MCC: variants seen among roughly 807,000 people sequenced by gnomAD.
The protein encoded by MCC is colorectal mutant cancer protein.
Under a neutral mutation model 116.2 loss-of-function variants are expected in MCC, and 90 were observed. The ratio of observed to expected loss-of-function variants is 0.77; its 90% CI spans 0.65 to 0.92. The LOEUF is 0.92. Among genes scored for constraint, MCC ranks in the 40% least tolerant of loss-of-function variants. The pLI, the probability that MCC is intolerant of heterozygous loss-of-function variation, is 0.00. For missense variants in MCC, 1,516 were observed against 1,312.2 expected (o/e 1.16, Z -2.40); for synonymous variants, 578 against 510.5 (o/e 1.13, Z -1.78).
intron 3 of MCC, among the ~76,000 whole-genome samples, chr5:113,188,175 T>C (rs1189098429): frequency 1.3e-5 from 2 of 152,212 alleles, no homozygotes; most frequent in South Asian, 2.1e-4. Context: ...TGCCAGCTTG[T>C]CCACATTACA....
At chr5:113,258,925 T>C (rs1413336964) in intron 3 of MCC, among the ~76,000 whole-genome samples, 1 of 152,256 alleles carries the variant, frequency 6.6e-6, no homozygotes, top group Non-Finnish European at 1.5e-5. Flanking sequence ...ATTAACAGGC[T>C]ATACAAGAAC....
rs1346378064 is a variant in MCC at position 113,023,271 on chromosome 5, G to A, written c.*4031C>T. 3 of 152,236 alleles carry A rather than the reference G, an allele frequency of 2.0e-5. No individual in the cohort carries two copies. The highest frequency in any genetic ancestry group is 7.2e-5 in the African/African-American group (3 of 41,468). 9.4% of individuals were successfully genotyped at this position (152,236 alleles called of 1,614,324 possible). On this transcript the variant is annotated 3_prime_UTR_variant, in exon 19 of 19. Coordinates refer to ENST00000408903, the MANE Select transcript of MCC (RefSeq NM_001085377.2). The stretch of plus-strand genomic sequence containing the variant: ...GTGGATAAACTTTAAGAACTGGATA[G>A]TGAAGGCGTAACTTTTGTTTTGTAA...
At chr5:113,274,736 C>A (rs140177496) in intron 3 of MCC, among the ~76,000 whole-genome samples, 2 of 152,172 alleles carry the variant, frequency 1.3e-5, no homozygotes, top group African/African-American at 4.8e-5. Flanking sequence ...TTCAAAGGGA[C>A]AAGTTTCTAT....
intron 2 of MCC, among the ~76,000 whole-genome samples, chr5:113,367,306 G>C (rs1276465934): frequency 1.3e-5 from 2 of 150,578 alleles, no homozygotes; most frequent in East Asian, 2.0e-4. Flanking sequence ...ATTTTCATTT[G>C]TTTAGTTTTC....
intron 1 of MCC, among the ~76,000 whole-genome samples, chr5:113,425,483 A>G (rs1770457374): frequency 6.6e-6 from 1 of 152,200 alleles, no homozygotes; most frequent in Non-Finnish European, 1.5e-5. Context: ...CATAAACAAG[A>G]AACAATTCTA....
intron 6 of MCC, among the ~76,000 whole-genome samples, chr5:113,114,102 C>T (rs1757261317): frequency 6.6e-6 from 1 of 151,782 alleles, no homozygotes; most frequent in Non-Finnish European, 1.5e-5. Flanking sequence ...AAAACGTATA[C>T]ACAAACACAA....
intron 3 of MCC, among the ~76,000 whole-genome samples, chr5:113,317,836 G>A (rs189741553): frequency 1.2e-3 from 184 of 152,314 alleles, no homozygotes; most frequent in Middle Eastern, 3.4e-3. Context: ...AGAACACCCA[G>A]ATGGCCCAGA....
At chr5:113,475,778 T>C (rs1327692171) in intron 1 of MCC, among the ~76,000 whole-genome samples, 2 of 152,182 alleles carry the variant, frequency 1.3e-5, no homozygotes, top group Non-Finnish European at 2.9e-5. Context: ...ACCCTCACCA[T>C]AGAGCTTTGG....
chr5:113,468,287 T>G (rs1771973571), intron 1 of MCC, among the ~76,000 whole-genome samples: 1 of 152,328 alleles, frequency 6.6e-6, no homozygotes, highest in East Asian at 1.9e-4. Flanking sequence ...CTTCCAGTTT[T>G]TGCCCATTCA....
chr5:113,229,692 G>A (rs1763871927), intron 3 of MCC, among the ~76,000 whole-genome samples: 1 of 152,172 alleles, frequency 6.6e-6, no homozygotes, highest in African/African-American at 2.4e-5. Flanking sequence ...CTGTAAGATT[G>A]TAATACCACA....
In MCC at chr5:113,122,730, A is replaced by C; in HGVS notation, c.981T>G (p.Ser327=). The change falls in exon 6 of 19, where the codon TCT becomes TCG. Residue 327 remains serine (S), a synonymous_variant. Coordinates refer to ENST00000408903, the MANE Select transcript of MCC (RefSeq NM_001085377.2). ...DSRSMDQDQT[S]VSIPENQSTM... is the part of the protein sequence containing the mutation. ...TAGACTGGTTTTCGGGGATAGAGAC[A>C]GAGGTCTGGTCTTGGTCCATGCTTC... The C allele has an allele frequency of 1.2e-6, 2 of 1,614,218 alleles. No individual in the cohort carries two copies. Among genetic ancestry groups the C allele is most frequent in the Non-Finnish European group, 8.5e-7 (1 of 1,180,020 alleles).
chr5:113,420,839 C>T (rs1241073338), intron 1 of MCC, among the ~76,000 whole-genome samples: 1 of 152,154 alleles, frequency 6.6e-6, no homozygotes, highest in African/African-American at 2.4e-5. Context: ...TCCTGCTTAA[C>T]TGCCTTTCCG....
intron 17 of MCC, among the ~76,000 whole-genome samples, chr5:113,031,625 A>G (rs760710496): frequency 6.6e-6 from 1 of 152,212 alleles, no homozygotes; most frequent in Non-Finnish European, 1.5e-5. Context: ...CCACAAACTC[A>G]ATAAGAAATT....
At chr5:113,242,279 T>G (rs998036385) in intron 3 of MCC, among the ~76,000 whole-genome samples, 12 of 152,232 alleles carry the variant, frequency 7.9e-5, no homozygotes, top group Non-Finnish European at 2.9e-5. Flanking sequence ...AGTGATATGT[T>G]ACAAGGCATT....
chr5:113,043,632 T>A lies in MCC; in HGVS notation c.2656-2A>T. The A allele has an allele frequency of 1.2e-6, 2 of 1,607,772 alleles. No individual in the cohort carries two copies. The highest frequency in any genetic ancestry group is 1.7e-6 in the Non-Finnish European group (2 of 1,174,374). Reference sequence around the variant, plus strand: ...TGGGGAGGCAGCATCAGCACACTCCTGACAACAGCAAACACATTCCAGTTA... The same window carrying A: ...TGGGGAGGCAGCATCAGCACACTCCAGACAACAGCAAACACATTCCAGTTA... On this transcript the variant is annotated splice_acceptor_variant, in intron 16 of 18. Coordinates refer to ENST00000408903, the MANE Select transcript of MCC (RefSeq NM_001085377.2). LOFTEE classifies it high-confidence loss of function.
At chr5:113,220,060 TTTC>T (rs1322077108) in intron 3 of MCC, among the ~76,000 whole-genome samples, 1 of 66,590 alleles carries the variant, frequency 1.5e-5, no homozygotes, top group Non-Finnish European at 5.9e-5. Flanking sequence ...TCAATTTCTT[TTTC>T]TTTTTTTTTT....
chr5:113,100,116 T>C (rs985820483), intron 8 of MCC, among the ~76,000 whole-genome samples: 5 of 152,196 alleles, frequency 3.3e-5, no homozygotes, highest in African/African-American at 4.8e-5. Context: ...GAAAATATGC[T>C]TATGCACGTG....
At chr5:113,055,599 C>T (rs1752780266) in intron 14 of MCC, among the ~76,000 whole-genome samples, 4 of 152,206 alleles carry the variant, frequency 2.6e-5, no homozygotes, top group African/African-American at 9.7e-5. Context: ...GGGGCTGCGT[C>T]TCACTCCCTC....
chr5:113,459,678 T>C (rs1476441297), intron 1 of MCC, among the ~76,000 whole-genome samples: 1 of 152,190 alleles, frequency 6.6e-6, no homozygotes, highest in African/African-American at 2.4e-5. Context: ...ATGTGCCACC[T>C]CAGAAACCTC....
Sources: allele counts gnomAD v4.1 joint callset (sites outside exome capture counted in the v4.1 genomes callset), GRCh38; gene constraint gnomAD v4.1.1; transcripts MANE v1.5; gene names NCBI Gene and HGNC (gene_info 2026-07-23, HGNC 2026-07-21).